PRMT3: variants seen among roughly 807,000 people sequenced by gnomAD.
The protein encoded by PRMT3 is protein arginine N-methyltransferase 3.
A neutral mutation model predicts 71.9 loss-of-function variants in PRMT3; 62 were observed. That is an observed-to-expected ratio of 0.86 (90% CI 0.70 to 1.07). The LOEUF (loss-of-function observed/expected upper bound fraction) is 1.07. Among genes scored for constraint, PRMT3 ranks in the 50% least tolerant of loss-of-function variants. The pLI is 0.00. For synonymous variants in PRMT3, 213 were observed against 220.4 expected, an observed-to-expected ratio of 0.97 and a Z score of 0.30; for missense variants, 663 against 643.0, an observed-to-expected ratio of 1.03 and a Z score of -0.34.
At chr11:20,462,258 G>T (rs1850403458) in intron 12 of PRMT3, 91 bp downstream of exon 12, 1 of 1,062,760 alleles carries the variant, frequency 9.4e-7, no homozygotes, top group Non-Finnish European at 1.3e-6. Flanking sequence ...TTATATATGG[G>T]CTTTCAAAAC....
intron 13 of PRMT3, among the ~76,000 whole-genome samples, chr11:20,491,107 T>G (rs1379261116): frequency 6.6e-6 from 1 of 152,168 alleles, no homozygotes; most frequent in Non-Finnish European, 1.5e-5. Flanking sequence ...ATTCACTGAT[T>G]TTTTCCCTGT....
At chr11:20,388,877 C>T (rs1027779387) in intron 2 of PRMT3, among the ~76,000 whole-genome samples, 1 of 152,178 alleles carries the variant, frequency 6.6e-6, no homozygotes, top group Non-Finnish European at 1.5e-5. Flanking sequence ...GAAAGAGGCC[C>T]GGTTGGCATT....
chr11:20,449,179 T>C (rs1309787513), intron 10 of PRMT3, among the ~76,000 whole-genome samples: 1 of 152,172 alleles, frequency 6.6e-6, no homozygotes, highest in Non-Finnish European at 1.5e-5. Context: ...TATTTTTAAC[T>C]GGATATTTTA....
chr11:20,441,441 G>A (rs1411730656), intron 10 of PRMT3, among the ~76,000 whole-genome samples: 1 of 151,866 alleles, frequency 6.6e-6, no homozygotes, highest in African/African-American at 2.4e-5. Context: ...GAGTAGCTGG[G>A]ACTATAGGCA....
At chr11:20,427,001 C>T in intron 10 of PRMT3, 136 bp downstream of exon 10, 1 of 1,235,382 alleles carries the variant, frequency 8.1e-7, no homozygotes, top group Non-Finnish European at 1.0e-6. Flanking sequence ...ACATTAGATA[C>T]TATAATGTGT....
In PRMT3 at chr11:20,508,291, CTTTG is replaced by C. The variant is rs1489659442; in HGVS notation, c.1487-9_1487-6del. ...TCCTTGAATTCTTAACAATTTTTGCCTTTGTTTTACAGGTGAAGCCTTGAAAGGA... is the reference window on the plus strand; with the variant it reads ...TCCTTGAATTCTTAACAATTTTTGCCTTTTACAGGTGAAGCCTTGAAAGGA... On this transcript the variant is annotated splice_polypyrimidine_tract_variant and intron_variant, in intron 15 of 15. Transcript: ENST00000331079. 2.6e-6 allele frequency: 4 copies of C among 1,551,398 alleles called. No individual in the cohort carries two copies. The highest frequency in any genetic ancestry group is 1.4e-5 in the African/African-American group (1 of 72,844).
intron 11 of PRMT3, among the ~76,000 whole-genome samples, chr11:20,458,966 T>TAG (rs1470272626): frequency 1.3e-5 from 2 of 151,836 alleles, no homozygotes; most frequent in Admixed American, 1.3e-4. Flanking sequence ...TTACTTAATA[T>TAG]AGAGCCAGAG....
chr11:20,444,772 G>T (rs757563337), intron 10 of PRMT3, among the ~76,000 whole-genome samples: 1 of 151,996 alleles, frequency 6.6e-6, no homozygotes, highest in Non-Finnish European at 1.5e-5. Flanking sequence ...AGTTGTTCAG[G>T]TCTTTTAAAT....
chr11:20,398,151 A>G (rs7948495), intron 7 of PRMT3, among the ~76,000 whole-genome samples: 4,716 of 152,188 alleles, frequency 0.031, 245 homozygotes, highest in African/African-American at 0.11. Context: ...AAGGGCAGCT[A>G]TTAAATAGGA....
Position 20,397,733 on chromosome 11 carries a change from A to G in PRMT3, c.705+12A>G, listed in dbSNP as rs780401883. 8 of 1,613,096 alleles carry G rather than the reference A, an allele frequency of 5.0e-6. No homozygotes were observed. Among genetic ancestry groups the G allele is most frequent in the South Asian group, 4.4e-5 (4 of 90,954 alleles). ...AAGAAATGCTAAAGGTTAGAAAAGA[A>G]CACAAATGCGTCAAATCCATACTAA... On this transcript the variant is annotated intron_variant, in intron 7 of 15. Coordinates refer to ENST00000331079, the MANE Select transcript of PRMT3 (RefSeq NM_005788.4).
At chr11:20,474,306 C>T (rs1447740327) in intron 13 of PRMT3, among the ~76,000 whole-genome samples, 2 of 152,346 alleles carry the variant, frequency 1.3e-5, no homozygotes, top group East Asian at 1.9e-4. Context: ...GACAGAACTG[C>T]AGAGATGGCA....
chr11:20,465,071 C>T (rs1218523691), intron 13 of PRMT3, among the ~76,000 whole-genome samples: 1 of 152,040 alleles, frequency 6.6e-6, no homozygotes, highest in Admixed American at 6.5e-5. Context: ...CCACTTATTT[C>T]GTTGTTAAGT....
At chr11:20,504,160 G>A (rs552070075) in intron 15 of PRMT3, among the ~76,000 whole-genome samples, 3 of 152,234 alleles carry the variant, frequency 2.0e-5, no homozygotes, top group African/African-American at 7.2e-5. Flanking sequence ...AAATTGGGTG[G>A]TCATCTAATT....
At chr11:20,458,854 C>G (rs1850323034) in intron 11 of PRMT3, among the ~76,000 whole-genome samples, 1 of 152,166 alleles carries the variant, frequency 6.6e-6, no homozygotes, top group African/African-American at 2.4e-5. Context: ...TTTAGTTTCT[C>G]TTCTAATTAC....
chr11:20,456,908 C>T (rs563336051), intron 11 of PRMT3, among the ~76,000 whole-genome samples: 1 of 152,008 alleles, frequency 6.6e-6, no homozygotes, highest in Non-Finnish European at 1.5e-5. Context: ...GAGTCTGTCC[C>T]TGTCACCCAG....
chr11:20,392,732 C>A (rs895394790), intron 4 of PRMT3, among the ~76,000 whole-genome samples, 165 bp from the exon 5 acceptor site: 2 of 150,480 alleles, frequency 1.3e-5, no homozygotes, highest in African/African-American at 4.9e-5. Flanking sequence ...GTTAAGCAGT[C>A]GTCCAGCAAG....
chr11:20,487,717 T>C (rs570141885), intron 13 of PRMT3, among the ~76,000 whole-genome samples: 15 of 152,358 alleles, frequency 9.8e-5, no homozygotes, highest in African/African-American at 3.4e-4. Context: ...TGAATATGGG[T>C]TGTATAAAAC....
intron 9 of PRMT3, among the ~76,000 whole-genome samples, chr11:20,410,475 A>G (rs1015771488): frequency 4.3e-5 from 5 of 115,290 alleles, no homozygotes; most frequent in Non-Finnish European, 7.5e-5. Context: ...AAAAAAAATT[A>G]TATTTTATGA....
At chr11:20,435,975 G>A (rs1849751771) in intron 10 of PRMT3, among the ~76,000 whole-genome samples, 1 of 152,218 alleles carries the variant, frequency 6.6e-6, no homozygotes, top group South Asian at 2.1e-4. Context: ...TCCATTTTTG[G>A]TGTGTTCCCT....
Sources: allele counts gnomAD v4.1 joint callset (sites outside exome capture counted in the v4.1 genomes callset), GRCh38; gene constraint gnomAD v4.1.1; transcripts MANE v1.5; gene names NCBI Gene and HGNC (gene_info 2026-07-23, HGNC 2026-07-21).